PLCB4: variants seen among roughly 807,000 people sequenced by gnomAD.
PLCB4 encodes the protein phospholipase C beta 4.
A neutral mutation model predicts 178.8 loss-of-function variants in PLCB4; 77 were observed. The observed-to-expected ratio is 0.43, with a 90% confidence interval of 0.36 to 0.52. The LOEUF (loss-of-function observed/expected upper bound fraction) is 0.52. Ranked by LOEUF, PLCB4 falls within the 20% of genes least tolerant of loss-of-function variation. The pLI, the probability that PLCB4 is intolerant of heterozygous loss-of-function variation, is 0.00. For synonymous variants in PLCB4, 496 were observed against 490.8 expected (o/e 1.01, Z -0.14); for missense variants, 1,024 against 1,453.4 (o/e 0.70, Z 4.80).
chr20:9,099,613 A>G (rs1302884577), intron 2 of PLCB4, among the ~76,000 whole-genome samples: 2 of 152,008 alleles, frequency 1.3e-5, no homozygotes, highest in African/African-American at 4.8e-5. Context: ...GCTGGGGACA[A>G]TTGTCATCAC....
intron 3 of PLCB4, among the ~76,000 whole-genome samples, chr20:9,253,951 A>G (rs774458001): frequency 6.6e-6 from 1 of 152,214 alleles, no homozygotes; most frequent in Admixed American, 6.5e-5. Flanking sequence ...AGGTGCCATC[A>G]GTGCAAACAA....
intron 9 of PLCB4, 136 bp from the exon 10 acceptor site, chr20:9,371,078 C>G: frequency 1.5e-6 from 1 of 650,606 alleles, no homozygotes; most frequent in Non-Finnish European, 2.8e-6. Flanking sequence ...TGAAAAACAT[C>G]TGCAATGAGA....
rs555688619 is a variant in PLCB4 at position 9,238,415 on chromosome 20, C to T, written c.-16+20963C>T. Among the ~76,000 whole-genome samples the T allele has an allele frequency of 1.9e-4, 29 of 152,240 alleles. 1 individual carries two copies. The highest frequency in any genetic ancestry group is 6.2e-4 in the South Asian group (3 of 4,812). On this transcript the variant is annotated intron_variant, in intron 3 of 39. Coordinates refer to ENST00000378473, the MANE Select transcript of PLCB4 (RefSeq NM_001377142.1). ...GGAGGAAGTGGAGTTGACCCCCCCC[C>T]GAGGGACACCTTATCCATATGTGGG...
intron 2 of PLCB4, among the ~76,000 whole-genome samples, chr20:9,114,760 G>T (rs1266565479): frequency 6.6e-6 from 1 of 152,156 alleles, no homozygotes; most frequent in African/African-American, 2.4e-5. Context: ...TCATATTATG[G>T]CACCTGGGGA....
In PLCB4 at chr20:9,473,340, A is replaced by T; in HGVS notation, c.3470A>T (p.Glu1157Val). 1 of 1,597,768 alleles carries T rather than the reference A, an allele frequency of 6.3e-7. No individual in the cohort carries two copies. The highest frequency in any genetic ancestry group is 1.3e-5 in the African/African-American group (1 of 74,076). ...QLKKVQLEHL[E>V]FLEKQNEQLL... ...AAAAAAGTCCAGCTTGAACATCTAG[A>T]ATTCCTAGAGAAACAGAATGAGCAG... is the stretch of plus-strand genomic sequence containing the variant. The change falls in exon 38 of 40, where the codon GAA (glutamate) becomes GTA (valine). Residue 1157 changes from glutamate (E) to valine (V), a missense_variant. Glu to Val is a moderately radical substitution (Grantham distance 121). This residue lies in a region of PLCB4 where 264 missense variants were observed against 283.2 expected (regional missense o/e 0.93). Transcript: ENST00000378473.
intron 28 of PLCB4, among the ~76,000 whole-genome samples, 190 bp from the exon 29 acceptor site, chr20:9,435,370 C>T (rs1259827134): frequency 6.6e-6 from 1 of 152,228 alleles, no homozygotes; most frequent in Non-Finnish European, 1.5e-5. Context: ...GTCTTTGGCC[C>T]TTGCTTTTAA....
chr20:9,179,039 T>G (rs542242020), intron 2 of PLCB4, among the ~76,000 whole-genome samples: 1 of 152,306 alleles, frequency 6.6e-6, no homozygotes, highest in Non-Finnish European at 1.5e-5. Context: ...TGATAAAAAA[T>G]GAAGATAACT....
chr20:9,364,767 G>A (rs2035631448), intron 8 of PLCB4, among the ~76,000 whole-genome samples: 1 of 152,156 alleles, frequency 6.6e-6, no homozygotes, highest in Non-Finnish European at 1.5e-5. Context: ...ATTGGAAACA[G>A]GAAGAATGGG....
intron 35 of PLCB4, among the ~76,000 whole-genome samples, chr20:9,467,265 A>G (rs543782555): frequency 6.6e-6 from 1 of 152,160 alleles, no homozygotes; most frequent in East Asian, 1.9e-4. Flanking sequence ...AACGTCACAC[A>G]CCGGGCCTTT....
At chr20:9,395,746 T>C in intron 19 of PLCB4, 128 bp downstream of exon 19, 1 of 611,786 alleles carries the variant, frequency 1.6e-6, no homozygotes, top group Non-Finnish European at 2.9e-6. Flanking sequence ...GGAGGATTGC[T>C]TGAGCCCAGG....
chr20:9,454,680 A>C (rs2042957124), intron 33 of PLCB4, among the ~76,000 whole-genome samples: 1 of 152,238 alleles, frequency 6.6e-6, no homozygotes, highest in Admixed American at 6.5e-5. Flanking sequence ...ACATTGGTTC[A>C]TATTGCCGAA....
At chr20:9,442,672 G>A (rs1254617436) in intron 30 of PLCB4, among the ~76,000 whole-genome samples, 1 of 152,144 alleles carries the variant, frequency 6.6e-6, no homozygotes, top group Non-Finnish European at 1.5e-5. Context: ...AAGACAGGGA[G>A]CTCTTTGTGT....
At chr20:9,146,842 T>C (rs2092606840) in intron 2 of PLCB4, among the ~76,000 whole-genome samples, 1 of 152,106 alleles carries the variant, frequency 6.6e-6, no homozygotes, top group African/African-American at 2.4e-5. Context: ...GAGGAAGGAA[T>C]TGGCGAGGTC....
intron 1 of PLCB4, among the ~76,000 whole-genome samples, chr20:9,081,433 C>T: frequency 6.6e-6 from 1 of 152,184 alleles, no homozygotes; most frequent in East Asian, 1.9e-4. Flanking sequence ...ATAAAGCCTG[C>T]TGCACTGTGG....
intron 3 of PLCB4, among the ~76,000 whole-genome samples, chr20:9,218,333 C>T (rs752560777): frequency 6.6e-6 from 1 of 152,154 alleles, no homozygotes; most frequent in Non-Finnish European, 1.5e-5. Context: ...TCTCAAACTC[C>T]TGACTTCGTG....
chr20:9,176,961 G>A (rs2093165924), intron 2 of PLCB4, among the ~76,000 whole-genome samples: 1 of 152,158 alleles, frequency 6.6e-6, no homozygotes, highest in Non-Finnish European at 1.5e-5. Flanking sequence ...AGTGGGCAAA[G>A]GGAGTGCAAA....
chr20:9,277,808 C>G (rs1005931313), intron 3 of PLCB4, among the ~76,000 whole-genome samples: 2 of 151,946 alleles, frequency 1.3e-5, no homozygotes, highest in African/African-American at 4.8e-5. Context: ...CTGAAGCCCA[C>G]AGCTCAAGGG....
At chr20:9,358,472 A>C (rs1252699613) in intron 7 of PLCB4, among the ~76,000 whole-genome samples, 1 of 152,234 alleles carries the variant, frequency 6.6e-6, no homozygotes, top group Non-Finnish European at 1.5e-5. Flanking sequence ...AAGACGAAAA[A>C]TAATTCTTCA....
At chr20:9,241,134 T>C (rs1601386821) in intron 3 of PLCB4, among the ~76,000 whole-genome samples, 1 of 152,096 alleles carries the variant, frequency 6.6e-6, no homozygotes, top group East Asian at 1.9e-4. Context: ...TTGTGGTGGG[T>C]TTAGGTTTAT....
Sources: allele counts gnomAD v4.1 joint callset (sites outside exome capture counted in the v4.1 genomes callset), GRCh38; gene constraint gnomAD v4.1.1; regional missense constraint gnomAD v4.1.1; transcripts MANE v1.5; gene names NCBI Gene and HGNC (gene_info 2026-07-23, HGNC 2026-07-21).